Variants in NSD3 observed in about 807,000 individuals in gnomAD.
The protein encoded by NSD3 is nuclear receptor binding SET domain protein 3.
Under a neutral mutation model 160.8 loss-of-function variants are expected in NSD3, and 24 were observed. That is an observed-to-expected ratio of 0.15 (90% confidence interval 0.11 to 0.21). The LOEUF is 0.21. Among genes scored for constraint, NSD3 ranks in the 10% least tolerant of loss-of-function variants. NSD3 has a pLI of 1.00. For synonymous variants in NSD3, 520 were observed against 600.0 expected, an observed-to-expected ratio of 0.87 and a Z score of 1.95; for missense variants, 1,157 against 1,735.9, an observed-to-expected ratio of 0.67 and a Z score of 5.93.
intron 19 of NSD3, among the ~76,000 whole-genome samples, chr8:38,282,211 C>T (rs36105509): frequency 6.6e-6 from 1 of 152,098 alleles, no homozygotes; most frequent in African/African-American, 2.4e-5. Context: ...TTTTAGCAGG[C>T]GTAGGATCAT....
At chr8:38,364,630 C>T (rs1811065712) in intron 1 of NSD3, among the ~76,000 whole-genome samples, 1 of 152,196 alleles carries the variant, frequency 6.6e-6, no homozygotes. Flanking sequence ...ACTACTAAAA[C>T]ACCTATTTAA....
chr8:38,335,224 G>C (rs187525962), intron 4 of NSD3, among the ~76,000 whole-genome samples: 1 of 152,128 alleles, frequency 6.6e-6, no homozygotes, highest in African/African-American at 2.4e-5. Context: ...CTAACCTCAG[G>C]TGATCCACCC....
At chr8:38,330,809 A>C (rs1056300112) in intron 5 of NSD3, among the ~76,000 whole-genome samples, 6 of 152,228 alleles carry the variant, frequency 3.9e-5, no homozygotes, top group Admixed American at 1.3e-4. Context: ...TTCATGTCAA[A>C]ATTCTAAAAT....
intron 2 of NSD3, among the ~76,000 whole-genome samples, chr8:38,346,072 T>C (rs1033967150): frequency 1.3e-5 from 2 of 151,782 alleles, no homozygotes; most frequent in Admixed American, 6.6e-5. Context: ...CATCACTGAT[T>C]ACTCTTTATC....
intron 1 of NSD3, among the ~76,000 whole-genome samples, chr8:38,380,026 C>T (rs1363803044): frequency 1.3e-5 from 2 of 152,050 alleles, no homozygotes; most frequent in Non-Finnish European, 2.9e-5. Context: ...AATCAAAAAA[C>T]GAACAAACAA....
rs1809741092 is a variant in NSD3, at chr8:38,319,192, T to C, written c.1810-252A>G. ...TCTCTAGCAAAGACTTTTCCCACCA[T>C]TCCCTTGGTATATGAAGAGAACAAG... is the stretch of plus-strand genomic sequence containing the variant. On this transcript the variant is annotated intron_variant, in intron 8 of 23. Coordinates refer to ENST00000317025, the MANE Select transcript of NSD3 (RefSeq NM_023034.2). This position sits in a 1 kb window ranked among gnomAD's most constrained non-coding sequence, Gnocchi z 4.1. 2 of 409,762 alleles carry C rather than the reference T, an allele frequency of 4.9e-6. No homozygotes were observed. Among genetic ancestry groups the C allele is most frequent in the Non-Finnish European group, 8.7e-6 (2 of 229,590 alleles). The allele number at this position is 409,762 out of a possible 1,614,324, so 25.4% of individuals were successfully genotyped here. A position where few individuals can be genotyped will look rare whatever the true frequency, so the allele number is the denominator to read the frequency against.
chr8:38,335,551 G>A (rs1810196838), intron 4 of NSD3, among the ~76,000 whole-genome samples: 1 of 152,150 alleles, frequency 6.6e-6, no homozygotes, highest in African/African-American at 2.4e-5. Flanking sequence ...ATTTAAGAAA[G>A]CATGGTCTTC....
intron 16 of NSD3, among the ~76,000 whole-genome samples, chr8:38,292,901 G>A (rs1809036409): frequency 6.6e-6 from 1 of 152,006 alleles, no homozygotes; most frequent in Non-Finnish European, 1.5e-5. Flanking sequence ...GAACCCGGGA[G>A]GCGGAGGTTG....
At chr8:38,350,991 A>G (rs1810682079) in intron 1 of NSD3, among the ~76,000 whole-genome samples, 2 of 123,106 alleles carry the variant, frequency 1.6e-5, no homozygotes, top group African/African-American at 3.1e-5. Flanking sequence ...TTTTTTTTTG[A>G]GATGGAGTCT....
At chr8:38,283,166 A>G (rs1283789068) in intron 19 of NSD3, among the ~76,000 whole-genome samples, 1 of 152,198 alleles carries the variant, frequency 6.6e-6, no homozygotes, top group Non-Finnish European at 1.5e-5. Flanking sequence ...TCTAAAAGGC[A>G]TACAGTGATA....
intron 19 of NSD3, 54 bp from the exon 20 acceptor site, chr8:38,281,637 T>C (rs1173139070): frequency 8.0e-7 from 1 of 1,243,222 alleles, no homozygotes; most frequent in Non-Finnish European, 1.1e-6. Context: ...TATAAAGCAT[T>C]GCTTAATGAC....
intron 6 of NSD3, among the ~76,000 whole-genome samples, chr8:38,327,884 T>C (rs995804708): frequency 2.0e-5 from 3 of 152,100 alleles, no homozygotes; most frequent in African/African-American, 7.2e-5. Context: ...GGAATAGAAG[T>C]AAAGAAGTGA....
chr8:38,305,307 C>T lies in NSD3; in HGVS notation c.2381G>A (p.Cys794Tyr). ...GCAGGCAGAGCAGCAGTGCTGAGGA[C>T]AGCGGAATCCTTTTGATTCAAAGAT... Reference protein sequence around the residue: ...TAIFESKGFRCPQHCCSACSM... With the variant: ...TAIFESKGFRYPQHCCSACSM... Residue 794 changes from cysteine (C) to tyrosine (Y), a missense_variant, in exon 13 of 24, where the codon TGT (cysteine) becomes TAT (tyrosine). Coordinates refer to ENST00000317025, the MANE Select transcript of NSD3 (RefSeq NM_023034.2). The T allele has an allele frequency of 6.2e-7, 1 of 1,614,198 alleles. No homozygotes were observed. Among genetic ancestry groups the T allele is most frequent in the Non-Finnish European group, 8.5e-7 (1 of 1,180,030 alleles).
chr8:38,381,048 C>G (rs1434415185), intron 1 of NSD3, among the ~76,000 whole-genome samples: 1 of 152,116 alleles, frequency 6.6e-6, no homozygotes, highest in Non-Finnish European at 1.5e-5. Context: ...TATTCTCTAG[C>G]CTTGAAAGAA....
intron 7 of NSD3, among the ~76,000 whole-genome samples, chr8:38,324,046 A>G (rs925302850): frequency 1.3e-5 from 2 of 152,222 alleles, no homozygotes; most frequent in African/African-American, 4.8e-5. Flanking sequence ...CAAAACTGAC[A>G]TACCTAATTT....
chr8:38,310,679 T>A (rs1222014439), intron 12 of NSD3, among the ~76,000 whole-genome samples: 1 of 151,748 alleles, frequency 6.6e-6, no homozygotes, highest in Non-Finnish European at 1.5e-5. Flanking sequence ...GGCTAACTTT[T>A]TTTTTTTTTT....
chr8:38,337,041 C>T (rs965931765), intron 4 of NSD3, among the ~76,000 whole-genome samples: 1 of 151,468 alleles, frequency 6.6e-6, no homozygotes, highest in South Asian at 2.1e-4. Flanking sequence ...ACTCCAGAGG[C>T]CCAGGCAGGA....
chr8:38,300,416 C>A (rs566691137), intron 14 of NSD3, among the ~76,000 whole-genome samples: 2 of 152,128 alleles, frequency 1.3e-5, no homozygotes, highest in Admixed American at 1.3e-4. Context: ...AATCCTCCCA[C>A]CTTGGTCTTC....
chr8:38,316,144 G>A lies in NSD3; in HGVS notation c.1856-102C>T, dbSNP rs1053925080. On this transcript the variant is annotated intron_variant, in intron 9 of 23. Transcript: ENST00000317025. The surrounding 1 kb of genome is among the most constrained non-coding windows in gnomAD (Gnocchi z 4.5). Reference sequence around the variant, plus strand: ...TTTTCTTTTCTCAAACTCATCTTTAGTGTGGAAAAAGCATAGCTCTCTTTG... The same window carrying A: ...TTTTCTTTTCTCAAACTCATCTTTAATGTGGAAAAAGCATAGCTCTCTTTG... 6.8e-6 allele frequency: 10 copies of A among 1,476,608 alleles called. No individual in the cohort carries two copies. In the Admixed American group the frequency reaches 8.3e-5, roughly 12 times the overall value. The allele number at this position is 1,476,608 out of a possible 1,614,324, so 91.5% of individuals were successfully genotyped here.
Sources: allele counts gnomAD v4.1 joint callset (sites outside exome capture counted in the v4.1 genomes callset), GRCh38; gene constraint gnomAD v4.1.1; non-coding constraint Gnocchi (gnomAD v3.1); transcripts MANE v1.5; gene names NCBI Gene and HGNC (gene_info 2026-07-23, HGNC 2026-07-21).